CYBRD1: variants seen among roughly 807,000 people sequenced by gnomAD.
The protein encoded by CYBRD1 is plasma membrane ascorbate-dependent reductase CYBRD1.
A neutral mutation model predicts 21.9 loss-of-function variants in CYBRD1; 14 were observed. The observed-to-expected ratio is 0.64, with a 90% confidence interval of 0.42 to 1.00. CYBRD1 has a LOEUF of 1.00. CYBRD1 is among the 50% of genes least tolerant of loss of function. The pLI is 0.00. For synonymous variants in CYBRD1, 146 were observed against 136.5 expected (o/e 1.07, Z -0.48); for missense variants, 328 against 352.5 (o/e 0.93, Z 0.56).
At chr2:171,538,859 G>C (rs1428615703) in intron 1 of CYBRD1, among the ~76,000 whole-genome samples, 1 of 152,048 alleles carries the variant, frequency 6.6e-6, no homozygotes, top group Non-Finnish European at 1.5e-5. Context: ...GTGCAATGGT[G>C]CGGTCTTGGT....
intron 1 of CYBRD1, among the ~76,000 whole-genome samples, chr2:171,532,986 T>A (rs1466837279): frequency 6.6e-6 from 1 of 151,888 alleles, no homozygotes; most frequent in Non-Finnish European, 1.5e-5. Context: ...AAATAAATTT[T>A]AAAAAAAGTA....
In CYBRD1 at chr2:171,536,719, G is replaced by A. The variant is rs117989624; in HGVS notation, c.194-4866G>A. Reference sequence around the variant, plus strand: ...CAAAGTGCTGGGATTACAAGTGTGAGCTACTGCGCCCAGCCTACTCTTGAC... The same window carrying A: ...CAAAGTGCTGGGATTACAAGTGTGAACTACTGCGCCCAGCCTACTCTTGAC... On this transcript the variant is annotated intron_variant, in intron 1 of 3. Coordinates refer to ENST00000321348, the MANE Select transcript of CYBRD1 (RefSeq NM_024843.4). Among the ~76,000 whole-genome samples the A allele has an allele frequency of 1.1e-3, 166 of 152,356 alleles. 3 individuals are homozygous for A. Among genetic ancestry groups the A allele is most frequent in the East Asian group, 9.4e-3 (49 of 5,192 alleles).
chr2:171,541,128 T>G, intron 1 of CYBRD1: 1 of 188,604 alleles, frequency 5.3e-6, no homozygotes. Context: ...AGATTAGGAA[T>G]TTGGTTTTGG....
At chr2:171,553,559 T>A (rs1683424428) in intron 3 of CYBRD1, 59 bp downstream of exon 3, 6 of 1,455,396 alleles carry the variant, frequency 4.1e-6, no homozygotes, top group Non-Finnish European at 4.6e-6. Context: ...AAATACTTGT[T>A]CACTGGGAAA....
At chr2:171,554,495 T>G (rs990849403) in intron 3 of CYBRD1, 29 bp from the exon 4 acceptor site, 2 of 1,611,358 alleles carry the variant, frequency 1.2e-6, no homozygotes, top group African/African-American at 2.7e-5. Flanking sequence ...TCATCCTGTT[T>G]GTAATTGGAT....
chr2:171,525,912 A>C (rs1294607619), intron 1 of CYBRD1, among the ~76,000 whole-genome samples: 2 of 143,694 alleles, frequency 1.4e-5, no homozygotes, highest in African/African-American at 5.3e-5. Flanking sequence ...TTGCCATTGC[A>C]CTTCAGCCTG....
At chr2:171,532,258 T>A (rs1697477621) in intron 1 of CYBRD1, among the ~76,000 whole-genome samples, 1 of 152,194 alleles carries the variant, frequency 6.6e-6, no homozygotes, top group African/African-American at 2.4e-5. Flanking sequence ...GAGAGTGAAA[T>A]AATACTTTAT....
chr2:171,531,924 C>A (rs556147723), intron 1 of CYBRD1, among the ~76,000 whole-genome samples: 1 of 152,090 alleles, frequency 6.6e-6, no homozygotes, highest in East Asian at 1.9e-4. Flanking sequence ...GCTGCCTTTG[C>A]GAGGATTTTA....
At position 171,554,560 on chromosome 2, in the gene CYBRD1, T is replaced by G. The variant is rs1230899236; in HGVS notation, c.594T>G (p.Gly198=). 2 of 1,614,012 alleles carry G rather than the reference T, an allele frequency of 1.2e-6. No homozygotes were observed. Among genetic ancestry groups the G allele is most frequent in the Non-Finnish European group, 1.7e-6 (2 of 1,179,952 alleles). The part of the protein sequence containing the change: ...DPAYSTFPPE[G]VFVNTLGLLI... ...CATACAGTACATTCCCGCCAGAAGGTGTTTTCGTAAATACGCTTGGCCTTC... is the reference window on the plus strand; with the variant it reads ...CATACAGTACATTCCCGCCAGAAGGGGTTTTCGTAAATACGCTTGGCCTTC... Residue 198 remains glycine, a synonymous_variant, in exon 4 of 4, where the codon GGT becomes GGG. Coordinates refer to ENST00000321348, the MANE Select transcript of CYBRD1 (RefSeq NM_024843.4).
intron 1 of CYBRD1, among the ~76,000 whole-genome samples, chr2:171,526,243 G>A (rs1219692942): frequency 6.6e-6 from 1 of 152,056 alleles, no homozygotes; most frequent in Non-Finnish European, 1.5e-5. Flanking sequence ...CTGTAGCCTG[G>A]GCAACAGAGT....
chr2:171,526,530 TA>T (rs1697389660), intron 1 of CYBRD1, among the ~76,000 whole-genome samples: 1 of 151,964 alleles, frequency 6.6e-6, no homozygotes, highest in South Asian at 2.1e-4. Context: ...ATGGGAAATC[TA>T]AAACTAAAAT....
chr2:171,555,104 A>C lies in CYBRD1; in HGVS notation c.*277A>C. ...ACATTAGCACGGTGCCTTGTGCAGA[A>C]TAGATACTCAATATGTGAATATGTG... On this transcript the variant is annotated 3_prime_UTR_variant, in exon 4 of 4. Coordinates refer to ENST00000321348, the MANE Select transcript of CYBRD1 (RefSeq NM_024843.4). The C allele has an allele frequency of 2.2e-6, 1 of 455,552 alleles. No individual in the cohort carries two copies. The highest frequency in any genetic ancestry group is 4.0e-6 in the Non-Finnish European group (1 of 248,950). 28.2% of individuals were successfully genotyped at this position (455,552 alleles called of 1,614,324 possible).
intron 1 of CYBRD1, among the ~76,000 whole-genome samples, chr2:171,540,547 T>C (rs188937966): frequency 6.6e-6 from 1 of 152,316 alleles, no homozygotes; most frequent in East Asian, 1.9e-4. Flanking sequence ...TTACCTTAAG[T>C]AGATACTGCC....
intron 2 of CYBRD1, among the ~76,000 whole-genome samples, chr2:171,544,725 A>G (rs995285774): frequency 6.6e-6 from 1 of 152,170 alleles, no homozygotes; most frequent in Non-Finnish European, 1.5e-5. Context: ...ATTGCATCCT[A>G]TAGAGTATCT....
chr2:171,552,669 G>A (rs1301610131), intron 2 of CYBRD1, among the ~76,000 whole-genome samples: 3 of 152,180 alleles, frequency 2.0e-5, no homozygotes, highest in Admixed American at 2.0e-4. Flanking sequence ...CCGTGAAAGC[G>A]CAACAGACTT....
intron 2 of CYBRD1, among the ~76,000 whole-genome samples, chr2:171,545,526 G>A (rs1202031834): frequency 1.3e-5 from 2 of 148,800 alleles, no homozygotes; most frequent in African/African-American, 4.9e-5. Context: ...TTACAGGCTC[G>A]TGCCACAACA....
intron 1 of CYBRD1, among the ~76,000 whole-genome samples, chr2:171,540,243 T>C (rs1027181732): frequency 6.6e-6 from 1 of 152,252 alleles, no homozygotes; most frequent in Non-Finnish European, 1.5e-5. Flanking sequence ...CTGGTTTCTA[T>C]ACTTCATATA....
intron 1 of CYBRD1, among the ~76,000 whole-genome samples, chr2:171,528,243 G>A (rs780444592): frequency 2.6e-5 from 4 of 152,034 alleles, no homozygotes; most frequent in Non-Finnish European, 5.9e-5. Flanking sequence ...GCACCACGAT[G>A]CCCAGCTAAT....
intron 2 of CYBRD1, among the ~76,000 whole-genome samples, chr2:171,549,825 C>G (rs1365191313): frequency 6.6e-6 from 1 of 152,196 alleles, no homozygotes; most frequent in African/African-American, 2.4e-5. Flanking sequence ...GTGATGATTC[C>G]TAAACACTGG....
Sources: allele counts gnomAD v4.1 joint callset (sites outside exome capture counted in the v4.1 genomes callset), GRCh38; gene constraint gnomAD v4.1.1; transcripts MANE v1.5; gene names NCBI Gene and HGNC (gene_info 2026-07-23, HGNC 2026-07-21).